TTLL1: variants seen among roughly 807,000 people sequenced by gnomAD.
The protein encoded by TTLL1 is polyglutamylase complex subunit TTLL1.
In TTLL1, 33 loss-of-function variants were observed where a neutral mutation model predicts 47.8. The ratio of observed to expected loss-of-function variants is 0.69; its 90% CI spans 0.52 to 0.92. TTLL1 has a LOEUF of 0.92. Ranked by LOEUF, TTLL1 falls within the 40% of genes least tolerant of loss-of-function variation. The probability of loss-of-function intolerance (pLI) is 0.00; values close to 1 mark genes in which losing one functional copy is unlikely to be tolerated. For missense variants in TTLL1, 488 were observed against 547.5 expected (o/e 0.89, Z 1.08); for synonymous variants, 225 against 214.1 (o/e 1.05, Z -0.45).
intron 7 of TTLL1, among the ~76,000 whole-genome samples, chr22:43,062,499 A>AAAAAAG (rs553010365): frequency 7.3e-5 from 11 of 150,212 alleles, no homozygotes; most frequent in East Asian, 6.2e-4. Flanking sequence ...CTTAAAAAAA[A>AAAAAAG]AAAAGAAAAG....
intron 9 of TTLL1, among the ~76,000 whole-genome samples, chr22:43,047,077 T>TAC (rs971549779): frequency 6.6e-6 from 1 of 152,160 alleles, no homozygotes; most frequent in Non-Finnish European, 1.5e-5. Context: ...AAGTAATACT[T>TAC]AAAGGTAGGA....
chr22:43,073,353 T>G (rs1358073644), intron 3 of TTLL1, among the ~76,000 whole-genome samples: 1 of 146,742 alleles, frequency 6.8e-6, no homozygotes, highest in Non-Finnish European at 1.5e-5. Flanking sequence ...ATTTATTTAT[T>G]TATTTATTTA....
At chr22:43,050,503 GTTTT>G (rs987971914) in intron 9 of TTLL1, among the ~76,000 whole-genome samples, 3 of 121,998 alleles carry the variant, frequency 2.5e-5, no homozygotes, top group East Asian at 6.2e-4. Context: ...AGTCACTCTG[GTTTT>G]TTTTTGTTTT....
intron 3 of TTLL1, among the ~76,000 whole-genome samples, chr22:43,072,955 T>C (rs1928224641): frequency 6.6e-6 from 1 of 152,242 alleles, no homozygotes. Context: ...GGTATTTTTC[T>C]GTTTGCAGTT....
Position 43,088,324 on chromosome 22 carries a change from C to CCTTTTTT in TTLL1, c.-90+952_-90+953insAAAAAAG, listed in dbSNP as rs1929375639. On this transcript the variant is annotated intron_variant, in intron 1 of 10. Coordinates refer to ENST00000266254, the MANE Select transcript of TTLL1 (RefSeq NM_012263.5). ...AATTTGAGGGCAGAGAAGGGCCCAT[C>CCTTTTTT]TTTTTTTTTTTTTTTTTTTTTTTTT... Among the ~76,000 whole-genome samples the CCTTTTTT allele has an allele frequency of 2.2e-3, 124 of 56,488 alleles. 3 individuals carry two copies. Among genetic ancestry groups the CCTTTTTT allele is most frequent in the African/African-American group, 8.8e-3 (120 of 13,660 alleles). 37.1% of individuals were successfully genotyped at this position (56,488 alleles called of 152,430 possible). A position where few individuals can be genotyped will look rare whatever the true frequency, so the allele number is the denominator to read the frequency against.
intron 9 of TTLL1, among the ~76,000 whole-genome samples, chr22:43,051,185 G>A (rs1292472580): frequency 6.6e-6 from 1 of 152,238 alleles, no homozygotes; most frequent in African/African-American, 2.4e-5. Context: ...TGGCTCCAGA[G>A]CAACGGTTGG....
intron 3 of TTLL1, among the ~76,000 whole-genome samples, chr22:43,071,069 T>G (rs1246564909): frequency 2.0e-5 from 3 of 151,978 alleles, no homozygotes; most frequent in Non-Finnish European, 4.4e-5. Context: ...GGGGCCACCG[T>G]GTCCTGCTAA....
chr22:43,057,792 T>A (rs1927117977), intron 8 of TTLL1, among the ~76,000 whole-genome samples: 1 of 151,938 alleles, frequency 6.6e-6, no homozygotes, highest in African/African-American at 2.4e-5. Flanking sequence ...TGCCCCTCCC[T>A]CATAGGTGAG....
At chr22:43,077,554 G>C (rs1928589368) in intron 2 of TTLL1, among the ~76,000 whole-genome samples, 1 of 152,186 alleles carries the variant, frequency 6.6e-6, no homozygotes, top group African/African-American at 2.4e-5. Context: ...GCACGTGAGG[G>C]ATGCTCAGTT....
intron 3 of TTLL1, among the ~76,000 whole-genome samples, chr22:43,070,872 T>C (rs745655447): frequency 1.3e-4 from 20 of 152,276 alleles, no homozygotes; most frequent in Middle Eastern, 6.8e-3. Flanking sequence ...TATCCTATTT[T>C]ATATAATTAT....
intron 3 of TTLL1, among the ~76,000 whole-genome samples, chr22:43,072,942 T>G (rs1928224095): frequency 6.6e-6 from 1 of 152,222 alleles, no homozygotes; most frequent in Admixed American, 6.5e-5. Flanking sequence ...ATGTGGCTTT[T>G]GGGGTATTTT....
At chr22:43,070,263 G>T (rs752726986) in intron 3 of TTLL1, 1 of 1,272,112 alleles carries the variant, frequency 7.9e-7, no homozygotes, top group Admixed American at 2.3e-5. Flanking sequence ...AAAATCACAG[G>T]GGTTATTTAA....
intron 3 of TTLL1, among the ~76,000 whole-genome samples, 174 bp downstream of exon 3, chr22:43,075,300 G>A (rs1304278002): frequency 2.6e-5 from 4 of 152,114 alleles, no homozygotes; most frequent in Non-Finnish European, 5.9e-5. Context: ...CAGTGATGTG[G>A]GAACACACCA....
At chr22:43,060,921 C>T (rs1044890058) in intron 7 of TTLL1, among the ~76,000 whole-genome samples, 2 of 152,142 alleles carry the variant, frequency 1.3e-5, no homozygotes, top group African/African-American at 2.4e-5. Flanking sequence ...AAAGTCCAGG[C>T]GCGGTGGCTC....
intron 7 of TTLL1, among the ~76,000 whole-genome samples, chr22:43,061,661 G>A (rs748815338): frequency 7.2e-5 from 11 of 152,158 alleles, no homozygotes; most frequent in Non-Finnish European, 1.5e-4. Flanking sequence ...AACCTGAACT[G>A]GGTCCACAAA....
rs1002194449 is a variant in TTLL1, at chr22:43,051,969, C to T, written c.892-82G>A. 6.0e-6 allele frequency: 8 copies of T among 1,324,248 alleles called. 2 individuals are homozygous for T. Among genetic ancestry groups the T allele is most frequent in the South Asian group, 1.2e-5 (1 of 85,022 alleles). 82.0% of individuals were successfully genotyped at this position (1,324,248 alleles called of 1,614,324 possible). A position where few individuals can be genotyped will look rare whatever the true frequency, so the allele number is the denominator to read the frequency against. On this transcript the variant is annotated intron_variant, in intron 8 of 10. Coordinates refer to ENST00000266254, the MANE Select transcript of TTLL1 (RefSeq NM_012263.5). ...CCAACGCCACAGAGACAAGCAGGATCGTCCCACGTCCCGACCTCCCACAGC... is the reference window on the plus strand; with the variant it reads ...CCAACGCCACAGAGACAAGCAGGATTGTCCCACGTCCCGACCTCCCACAGC...
chr22:43,073,833 A>ATTT (rs1413866491), intron 3 of TTLL1, among the ~76,000 whole-genome samples: 1 of 148,982 alleles, frequency 6.7e-6, no homozygotes, highest in African/African-American at 2.5e-5. Flanking sequence ...TTATTTATTT[A>ATTT]TTTTTTTTGA....
intron 8 of TTLL1, among the ~76,000 whole-genome samples, chr22:43,057,480 A>G (rs1220671242): frequency 6.6e-6 from 1 of 152,170 alleles, no homozygotes; most frequent in African/African-American, 2.4e-5. Context: ...TGGGGGACAC[A>G]TACCACAGCT....
Position 43,053,047 on chromosome 22 carries a change from C to T in TTLL1, c.892-1160G>A, listed in dbSNP as rs190344411. Among the ~76,000 whole-genome samples the T allele has an allele frequency of 2.9e-3, 445 of 152,082 alleles. 1 individual carries two copies. Among genetic ancestry groups the T allele is most frequent in the African/African-American group, 9.7e-3 (402 of 41,484 alleles). ...TGCACTCCAGCCTGGGCAACAAGAG[C>T]GAAACTCTGTCTCAAAAAACAAACA... On this transcript the variant is annotated intron_variant, in intron 8 of 10. Transcript: ENST00000266254.
Sources: allele counts gnomAD v4.1 joint callset (sites outside exome capture counted in the v4.1 genomes callset), GRCh38; gene constraint gnomAD v4.1.1; transcripts MANE v1.5; gene names NCBI Gene and HGNC (gene_info 2026-07-23, HGNC 2026-07-21).